ACSS1: variants seen among roughly 807,000 people sequenced by gnomAD.
ACSS1 encodes the protein acetyl-coenzyme A synthetase 2-like, mitochondrial.
ACSS1 carries 42 observed loss-of-function variants against 75.3 expected under a neutral mutation model. The ratio of observed to expected loss-of-function variants is 0.56; its 90% CI spans 0.44 to 0.72. ACSS1 has a LOEUF of 0.72. Among genes scored for constraint, ACSS1 ranks in the 30% least tolerant of loss-of-function variants. The pLI, the probability that ACSS1 is intolerant of heterozygous loss-of-function variation, is 0.00. For missense variants in ACSS1, 782 were observed against 935.7 expected (o/e 0.84, Z 2.14); for synonymous variants, 380 against 376.8 (o/e 1.01, Z -0.10).
intron 1 of ACSS1, among the ~76,000 whole-genome samples, chr20:25,052,941 A>G (rs1216807073): frequency 6.6e-6 from 1 of 152,064 alleles, no homozygotes. Flanking sequence ...ACACGTACGA[A>G]TTTTCAAGTA....
In ACSS1 at chr20:25,057,801, C is replaced by G. The variant is rs759202080; in HGVS notation, c.302G>C (p.Gly101Ala). The G allele has an allele frequency of 6.3e-7, 1 of 1,594,456 alleles. No homozygotes were observed. The highest frequency in any genetic ancestry group is 1.1e-5 in the South Asian group (1 of 90,166). The change falls in exon 1 of 14, where the codon GGC becomes GCC. Residue 101 changes from glycine (G) to alanine (A), a missense_variant. This residue lies in a region of ACSS1 where 377 missense variants were observed against 383.1 expected (regional missense o/e 0.98). Coordinates refer to ENST00000323482, the MANE Select transcript of ACSS1 (RefSeq NM_032501.4). ...WDCDFSTGKI[G>A]WFLGGQLNVS... ...ATTTAACTGGCCTCCCAGGAACCAG[C>G]CGATCTTGCCAGTGCTGAAGTCGCA...
intron 1 of ACSS1, among the ~76,000 whole-genome samples, chr20:25,050,734 T>G (rs1311924165): frequency 3.3e-5 from 5 of 151,996 alleles, no homozygotes; most frequent in Non-Finnish European, 7.4e-5. Context: ...GACACTCTTC[T>G]CAGAAACAGT....
rs185800236 is a variant in ACSS1, at chr20:25,038,598, T to A, written c.432-7640A>T. Among the ~76,000 whole-genome samples, 417 of 152,306 alleles carry A rather than the reference T, an allele frequency of 2.7e-3. 5 individuals are homozygous for A. Among genetic ancestry groups the A allele is most frequent in the African/African-American group, 9.6e-3 (401 of 41,574 alleles). On this transcript the variant is annotated intron_variant, in intron 2 of 13. Coordinates refer to ENST00000323482, the MANE Select transcript of ACSS1 (RefSeq NM_032501.4). ...TGCCTTATGGAAGCTGCAGTCTCCGTGTCGCCGGCTCAGGGCACATGCACC... is the reference window on the plus strand; with the variant it reads ...TGCCTTATGGAAGCTGCAGTCTCCGAGTCGCCGGCTCAGGGCACATGCACC...
At chr20:25,016,875 G>A (rs955403751) in intron 7 of ACSS1, among the ~76,000 whole-genome samples, 9 of 152,322 alleles carry the variant, frequency 5.9e-5, no homozygotes, top group Non-Finnish European at 7.3e-5. Flanking sequence ...TAAAGAAAAC[G>A]TCATTTAACA....
chr20:25,015,978 C>T (rs1410566116), intron 7 of ACSS1, among the ~76,000 whole-genome samples: 1 of 152,188 alleles, frequency 6.6e-6, no homozygotes, highest in Non-Finnish European at 1.5e-5. Flanking sequence ...CTGCAGATGC[C>T]ACCAGAAGTG....
intron 2 of ACSS1, among the ~76,000 whole-genome samples, chr20:25,043,646 C>A (rs532316095): frequency 6.6e-6 from 1 of 152,322 alleles, no homozygotes; most frequent in Admixed American, 6.5e-5. Context: ...CGACCCCACC[C>A]AATAAAAAGG....
chr20:25,045,031 C>T (rs561396032), intron 2 of ACSS1, among the ~76,000 whole-genome samples: 3 of 152,366 alleles, frequency 2.0e-5, no homozygotes, highest in South Asian at 2.1e-4. Context: ...GGTCCAACCT[C>T]GCTGCCCAGT....
intron 1 of ACSS1, among the ~76,000 whole-genome samples, chr20:25,055,441 G>A (rs955637141): frequency 2.0e-5 from 3 of 152,156 alleles, no homozygotes; most frequent in Non-Finnish European, 4.4e-5. Context: ...CCCATCATTT[G>A]CTTGCTGTTT....
At chr20:25,055,028 G>A (rs192086211) in intron 1 of ACSS1, among the ~76,000 whole-genome samples, 3 of 152,272 alleles carry the variant, frequency 2.0e-5, no homozygotes, top group Non-Finnish European at 4.4e-5. Context: ...AGCCCCTTCT[G>A]TCTATAAAAC....
At chr20:25,040,752 C>T (rs1159413799) in intron 2 of ACSS1, among the ~76,000 whole-genome samples, 5 of 152,168 alleles carry the variant, frequency 3.3e-5, no homozygotes, top group Non-Finnish European at 5.9e-5. Context: ...AGCCTGCAGC[C>T]CCAATACCCA....
intron 5 of ACSS1, among the ~76,000 whole-genome samples, chr20:25,022,006 T>G (rs1435223227): frequency 6.6e-6 from 1 of 152,134 alleles, no homozygotes; most frequent in Admixed American, 6.6e-5. Flanking sequence ...GATGTGACTA[T>G]GGCCAAGTGT....
chr20:25,048,743 G>A (rs978670258), intron 1 of ACSS1, among the ~76,000 whole-genome samples: 3 of 152,222 alleles, frequency 2.0e-5, no homozygotes, highest in Non-Finnish European at 4.4e-5. Context: ...GAAGTGGCTC[G>A]TGATGGGGAA....
chr20:25,014,786 G>A (rs2088485907), intron 8 of ACSS1, among the ~76,000 whole-genome samples: 1 of 152,186 alleles, frequency 6.6e-6, no homozygotes, highest in Non-Finnish European at 1.5e-5. Flanking sequence ...TCAGAAAGGG[G>A]CACTAGGAAG....
At chr20:25,012,397 C>T in intron 12 of ACSS1, 2 of 634,988 alleles carry the variant, frequency 3.1e-6, no homozygotes, top group Non-Finnish European at 5.4e-6. Context: ...GACAGCAGAA[C>T]CAGGGCATTT....
chr20:25,032,353 A>G (rs918636529), intron 2 of ACSS1: 12 of 1,345,878 alleles, frequency 8.9e-6, no homozygotes, highest in African/African-American at 1.5e-5. Context: ...GGAGCAGGCG[A>G]GAGCCGCCAA....
At chr20:25,057,639 A>G (rs2089261868) in intron 1 of ACSS1, 130 bp downstream of exon 1, 7 of 787,988 alleles carry the variant, frequency 8.9e-6, no homozygotes, top group Non-Finnish European at 1.3e-5. Context: ...GGCGGACGGA[A>G]TACCGGAGGA....
At chr20:25,041,257 C>CAAA (rs11474894) in intron 2 of ACSS1, among the ~76,000 whole-genome samples, 2 of 117,566 alleles carry the variant, frequency 1.7e-5, no homozygotes, top group African/African-American at 3.1e-5. Context: ...GACTCCGTCT[C>CAAA]AAAAAAAAAA....
At chr20:25,023,200 C>T in intron 4 of ACSS1, 108 bp from the exon 5 acceptor site, 1 of 1,379,630 alleles carries the variant, frequency 7.2e-7, no homozygotes, top group Non-Finnish European at 9.7e-7. Flanking sequence ...AATTCACCTG[C>T]TCTGACCTGT....
chr20:25,007,719 G>T lies in ACSS1; in HGVS notation c.*43C>A. ...TACCTTCTGGGAAGGACAAGCCAGG[G>T]CTTGGGTGCCCGCCCATCCCAAGAG... On this transcript the variant is annotated 3_prime_UTR_variant, in exon 14 of 14. Coordinates refer to ENST00000323482, the MANE Select transcript of ACSS1 (RefSeq NM_032501.4). 6.2e-7 allele frequency: 1 copy of T among 1,604,122 alleles called. No homozygotes were observed.
Sources: gnomAD v4.1 joint callset for allele counts (sites outside exome capture counted in the v4.1 genomes callset) on GRCh38, gnomAD v4.1.1 for gene constraint, gnomAD v4.1.1 regional missense constraint, MANE v1.5 for transcripts, NCBI Gene and HGNC (gene_info 2026-07-23, HGNC 2026-07-21) for gene names.